Variants in MCF2L observed in about 807,000 individuals in gnomAD.
MCF2L encodes MCF.2 cell line derived transforming sequence like.
In MCF2L, 97 loss-of-function variants were observed where a neutral mutation model predicts 153.4. The ratio of observed to expected loss-of-function variants is 0.63; its 90% CI spans 0.54 to 0.75. The LOEUF (loss-of-function observed/expected upper bound fraction) is 0.75, where lower values mean the gene tolerates loss of function less well. MCF2L is among the 30% of genes least tolerant of loss of function. MCF2L has a pLI of 0.00. For missense variants in MCF2L, 1,347 were observed against 1,495.2 expected, an observed-to-expected ratio of 0.90 and a Z score of 1.64; for synonymous variants, 659 against 632.2, an observed-to-expected ratio of 1.04 and a Z score of -0.64.
chr13:113,055,372 C>A (rs1466033631), intron 4 of MCF2L, among the ~76,000 whole-genome samples: 2 of 58,796 alleles, frequency 3.4e-5, no homozygotes. Flanking sequence ...GACGTGGACC[C>A]CCCCCCCCGC....
chr13:113,092,429 G>A (rs111350560), intron 26 of MCF2L, among the ~76,000 whole-genome samples: 9 of 144,468 alleles, frequency 6.2e-5, no homozygotes, highest in South Asian at 2.1e-4. Context: ...GTGTGGTGTC[G>A]AAGCCGGGCC....
chr13:113,016,491 T>C lies in MCF2L; in HGVS notation c.163+1645T>C, dbSNP rs374422156. On this transcript the variant is annotated intron_variant, in intron 2 of 29. Transcript: ENST00000535094. ...CCCCTCCACGTGGGCCCAGAGACCC[T>C]GAGCAGAGACCCGCAAGCTGATAAG... Among the ~76,000 whole-genome samples the C allele has an allele frequency of 3.0e-4, 45 of 152,224 alleles. No individual in the cohort carries two copies. The East Asian group carries it at 8.5e-3, about 29-fold the overall frequency.
At position 113,076,040 on chromosome 13, in the gene MCF2L, C is replaced by G; in HGVS notation, c.1383C>G (p.Gly461=). The G allele has an allele frequency of 6.2e-7, 1 of 1,614,000 alleles. No individual in the cohort carries two copies. Among genetic ancestry groups the G allele is most frequent in the Non-Finnish European group, 8.5e-7 (1 of 1,179,952 alleles). Residue 461 remains glycine, a synonymous_variant, in exon 12 of 30, where the codon GGC becomes GGG. Transcript: ENST00000535094. Reference sequence around the variant, plus strand: ...TGGACAAGTGCCAGTCCCAGGACGGCGCGGAGGCTGCCCTCCAGGAAATCG... The same window carrying G: ...TGGACAAGTGCCAGTCCCAGGACGGGGCGGAGGCTGCCCTCCAGGAAATCG... The part of the protein sequence containing the change: ...QPVDKCQSQD[G]AEAALQEIEK...
At chr13:112,944,594 C>T (rs1251024077) in intron 2 of MCF2L, among the ~76,000 whole-genome samples, 2 of 130,602 alleles carry the variant, frequency 1.5e-5, no homozygotes, top group Non-Finnish European at 1.6e-5. Context: ...TTTTTTGAGA[C>T]GGAGTCTCGC....
intron 2 of MCF2L, among the ~76,000 whole-genome samples, chr13:113,017,880 A>G (rs148527499): frequency 1.3e-3 from 205 of 152,354 alleles, no homozygotes; most frequent in African/African-American, 4.4e-3. Context: ...GTGAAGTGCC[A>G]GAGCAAAAAA....
At chr13:113,094,667 T>G (rs1595043674) in intron 27 of MCF2L, 32 bp downstream of exon 27, 1 of 1,597,230 alleles carries the variant, frequency 6.3e-7, no homozygotes, top group East Asian at 2.2e-5. Context: ...GCACTTGGGG[T>G]GGGGGCTGCC....
intron 2 of MCF2L, among the ~76,000 whole-genome samples, chr13:112,923,176 A>G (rs1373873864): frequency 6.6e-6 from 1 of 151,698 alleles, no homozygotes; most frequent in Non-Finnish European, 1.5e-5. Context: ...TTACACAAAT[A>G]TACATTATTA....
chr13:113,050,425 G>A (rs543373611), intron 4 of MCF2L, among the ~76,000 whole-genome samples: 3 of 151,636 alleles, frequency 2.0e-5, no homozygotes, highest in South Asian at 4.2e-4. Flanking sequence ...TGGAGAAAGT[G>A]AATCTGATTT....
At chr13:113,078,607 A>G in intron 14 of MCF2L, 59 bp from the exon 15 acceptor site, 1 of 1,511,398 alleles carries the variant, frequency 6.6e-7, no homozygotes, top group African/African-American at 1.4e-5. Context: ...TCTGGCCTTG[A>G]GAGTTGGCCC....
In MCF2L at chr13:113,035,381, A is replaced by G. The variant is rs1389641888; in HGVS notation, c.279-9890A>G. Among the ~76,000 whole-genome samples, 1 of 152,112 alleles carries G rather than the reference A, an allele frequency of 6.6e-6. No homozygotes were observed. ...GGTTTTTAATATTTACAAGCCACAG[A>G]ATTATTTCCTGCAGCCACAGAGACT... On this transcript the variant is annotated intron_variant, in intron 3 of 29. Transcript: ENST00000535094. The surrounding 1 kb of genome is among the most constrained non-coding windows in gnomAD (Gnocchi z 4.4).
rs1014063530 is a variant in MCF2L, at chr13:112,907,498, G to A, written c.169+5127G>A. ...CATGGGTCAGTCGCGGCTTGGTGGAGAATGGCTGAATCCTGGCAACTGTGG... is the reference window on the plus strand; with the variant it reads ...CATGGGTCAGTCGCGGCTTGGTGGAAAATGGCTGAATCCTGGCAACTGTGG... On this transcript the variant is annotated intron_variant, in intron 2 of 29. Coordinates refer to the MCF2L transcript ENST00000375608. The surrounding 1 kb of genome is among the most constrained non-coding windows in gnomAD (Gnocchi z 5.1). Among the ~76,000 whole-genome samples the A allele has an allele frequency of 3.3e-5, 5 of 152,120 alleles. No individual in the cohort carries two copies. Among genetic ancestry groups the A allele is most frequent in the African/African-American group, 7.2e-5 (3 of 41,436 alleles).
intron 1 of MCF2L, among the ~76,000 whole-genome samples, chr13:113,012,211 G>A (rs2084187515): frequency 1.0e-5 from 1 of 97,334 alleles, no homozygotes; most frequent in African/African-American, 3.6e-5. Context: ...GTGGACGGTG[G>A]ACAGGCTGGG....
chr13:113,031,167 CAGAG>C lies in MCF2L; in HGVS notation c.278+6412_278+6415del, dbSNP rs569409220. 2.1e-5 allele frequency among the ~76,000 whole-genome samples: 3 copies of C among 140,242 alleles called. No individual in the cohort carries two copies. Among genetic ancestry groups the C allele is most frequent in the Admixed American group, 1.4e-4 (2 of 13,842 alleles). The allele number at this position is 140,242 out of a possible 152,430, so 92.0% of individuals were successfully genotyped here. The stretch of plus-strand genomic sequence containing the variant: ...GACAGAGAGAGACAGAGAGAAGAGA[CAGAG>C]AGTGACAGACAGAGACAGAGAGACA... On this transcript the variant is annotated intron_variant, in intron 3 of 29. Coordinates refer to ENST00000535094, the MANE Select transcript of MCF2L (RefSeq NM_001112732.3). This position sits in a 1 kb window ranked among gnomAD's most constrained non-coding sequence, Gnocchi z 5.5.
At chr13:113,025,737 ACCAGGGTGGGG>A (rs1566757484) in intron 3 of MCF2L, among the ~76,000 whole-genome samples, 19 of 75,080 alleles carry the variant, frequency 2.5e-4, no homozygotes, top group Admixed American at 5.0e-4. Context: ...GTGAGATTTC[ACCAGGGTGGGG>A]TCCCTGCAAC....
At chr13:112,918,735 TG>T (rs2140557686) in intron 2 of MCF2L, among the ~76,000 whole-genome samples, 1 of 152,344 alleles carries the variant, frequency 6.6e-6, no homozygotes, top group East Asian at 1.9e-4. Flanking sequence ...AGAGCAGCAG[TG>T]CTTTCTGGTT....
At chr13:112,981,656 C>T (rs2082431547) in intron 1 of MCF2L, among the ~76,000 whole-genome samples, 1 of 152,232 alleles carries the variant, frequency 6.6e-6, no homozygotes, top group African/African-American at 2.4e-5. Flanking sequence ...GACCGGATGA[C>T]CACCAGCTCC....
At chr13:112,997,454 G>C (rs1324765680) in intron 1 of MCF2L, among the ~76,000 whole-genome samples, 2 of 152,170 alleles carry the variant, frequency 1.3e-5, no homozygotes, top group South Asian at 4.1e-4. Flanking sequence ...CAGAGTGGGG[G>C]GCATGGGTGT....
rs1403819640 is a variant in MCF2L, at chr13:113,097,280, G to T, written c.*421G>T. On this transcript the variant is annotated 3_prime_UTR_variant, in exon 30 of 30. Coordinates refer to ENST00000535094, the MANE Select transcript of MCF2L (RefSeq NM_001112732.3). Reference sequence around the variant, plus strand: ...TCTCTTTAGCTTTTACAAGTTTTAGGATTTTTTCAAGCAGGGATCAATCCC... The same window carrying T: ...TCTCTTTAGCTTTTACAAGTTTTAGTATTTTTTCAAGCAGGGATCAATCCC... The T allele has an allele frequency of 1.2e-5, 2 of 170,076 alleles. No individual in the cohort carries two copies. Among genetic ancestry groups the T allele is most frequent in the Non-Finnish European group, 1.2e-5 (1 of 80,270 alleles). The allele number at this position is 170,076 out of a possible 1,614,324, so 10.5% of individuals were successfully genotyped here.
chr13:112,939,240 A>G (rs2081551325), intron 2 of MCF2L, among the ~76,000 whole-genome samples: 1 of 152,094 alleles, frequency 6.6e-6, no homozygotes, highest in Admixed American at 6.5e-5. Context: ...TTGGCATCTG[A>G]GGGCCTCCGG....
Sources: allele counts gnomAD v4.1 joint callset (sites outside exome capture counted in the v4.1 genomes callset), GRCh38; gene constraint gnomAD v4.1.1; non-coding constraint Gnocchi (gnomAD v3.1); transcripts MANE v1.5; gene names NCBI Gene and HGNC (gene_info 2026-07-23, HGNC 2026-07-21).